Variants in CHD6 observed in about 807,000 individuals in gnomAD.
CHD6 encodes the protein ATP-dependent chromatin remodeler CHD6.
CHD6 carries 50 observed loss-of-function variants against 276.9 expected under a neutral mutation model. That is an observed-to-expected ratio of 0.18 (90% confidence interval 0.14 to 0.23). The LOEUF is 0.23. CHD6 is among the 10% of genes least tolerant of loss of function. CHD6 has a pLI of 1.00. For missense variants in CHD6, 2,564 were observed against 3,365.8 expected (o/e 0.76, Z 5.89); for synonymous variants, 1,173 against 1,229.3 (o/e 0.95, Z 0.96).
At chr20:41,562,929 T>C (rs2045317350) in intron 1 of CHD6, among the ~76,000 whole-genome samples, 1 of 152,194 alleles carries the variant, frequency 6.6e-6, no homozygotes, top group African/African-American at 2.4e-5. Flanking sequence ...ACTTAAAATA[T>C]CTGCCAAATA....
chr20:41,431,027 G>T (rs2047521787), intron 27 of CHD6, among the ~76,000 whole-genome samples: 1 of 151,960 alleles, frequency 6.6e-6, no homozygotes, highest in African/African-American at 2.4e-5. Flanking sequence ...TAGAGACAGG[G>T]TTTCACCATG....
At chr20:41,534,870 T>C (rs1409039271) in intron 2 of CHD6, among the ~76,000 whole-genome samples, 1 of 152,128 alleles carries the variant, frequency 6.6e-6, no homozygotes, top group Non-Finnish European at 1.5e-5. Context: ...AAAAACTGTT[T>C]TAATGGGATA....
intron 26 of CHD6, among the ~76,000 whole-genome samples, chr20:41,438,952 G>C (rs539411580): frequency 2.0e-5 from 3 of 152,346 alleles, no homozygotes; most frequent in East Asian, 3.9e-4. Flanking sequence ...TGAGCAAATA[G>C]TTAGGGGCTC....
At chr20:41,454,884 T>C (rs1410586666) in intron 19 of CHD6, 148 bp from the exon 20 acceptor site, 2 of 485,970 alleles carry the variant, frequency 4.1e-6, no homozygotes, top group Non-Finnish European at 7.3e-6. Context: ...GAATTGAAAA[T>C]CTCAAGGCTA....
intron 1 of CHD6, among the ~76,000 whole-genome samples, chr20:41,577,300 A>G (rs2045484871): frequency 6.6e-6 from 1 of 152,176 alleles, no homozygotes. Flanking sequence ...AATAGCCTGA[A>G]AATATATAGC....
Position 41,442,890 on chromosome 20 carries a change from A to G in CHD6, c.3878-2761T>C, listed in dbSNP as rs147850661. Among the ~76,000 whole-genome samples the G allele has an allele frequency of 2.7e-3, 417 of 152,346 alleles. 2 individuals carry two copies. The highest frequency in any genetic ancestry group is 0.024 in the Middle Eastern group (7 of 294). On this transcript the variant is annotated intron_variant, in intron 25 of 36. Coordinates refer to ENST00000373233, the MANE Select transcript of CHD6 (RefSeq NM_032221.5). ...TCCAACCTCATCTAAGTTGACTCCA[A>G]TGTAACCATCCAACTAAACTGATCT...
chr20:41,497,461 C>T lies in CHD6; in HGVS notation c.1015G>A (p.Glu339Lys). The T allele has an allele frequency of 1.2e-6, 2 of 1,613,908 alleles. No homozygotes were observed. Among genetic ancestry groups the T allele is most frequent in the Non-Finnish European group, 1.7e-6 (2 of 1,179,854 alleles). The change falls in exon 8 of 37, where the codon GAA becomes AAA. Residue 339 changes from glutamate to lysine, a missense_variant. Glu to Lys is a moderately conservative substitution (Grantham distance 56). Transcript: ENST00000373233. ...HCKWATMEEL[E>K]KDPRIAQKIK... is the part of the protein sequence containing the mutation. Reference sequence around the variant, plus strand: ...TTCTGTGCGATGCGAGGATCCTTTTCGAGCTCTTCCATTGTGGCCCATTTA... The same window carrying T: ...TTCTGTGCGATGCGAGGATCCTTTTTGAGCTCTTCCATTGTGGCCCATTTA...
chr20:41,528,453 T>C (rs1318133946), intron 3 of CHD6, among the ~76,000 whole-genome samples: 1 of 152,174 alleles, frequency 6.6e-6, no homozygotes, highest in African/African-American at 2.4e-5. Flanking sequence ...TATAAACATA[T>C]GAGTTATACC....
At chr20:41,431,489 C>T (rs1223163508) in intron 27 of CHD6, among the ~76,000 whole-genome samples, 1 of 152,112 alleles carries the variant, frequency 6.6e-6, no homozygotes, top group Admixed American at 6.5e-5. Context: ...CTTCTGGGAT[C>T]CAGAATCCAT....
Position 41,585,895 on chromosome 20 carries a change from C to T in CHD6, c.-24+32445G>A, listed in dbSNP as rs150464389. On this transcript the variant is annotated intron_variant, in intron 1 of 36. Coordinates refer to ENST00000373233, the MANE Select transcript of CHD6 (RefSeq NM_032221.5). ...ACAGGACTAGCTGGATTTCCTAGGC[C>T]GACTAAGAATTCCTAAGCCTAGCTG... Among the ~76,000 whole-genome samples the T allele has an allele frequency of 1.8e-3, 269 of 152,210 alleles. 2 individuals carry two copies. Among genetic ancestry groups the T allele is most frequent in the Middle Eastern group, 6.8e-3 (2 of 294 alleles).
intron 27 of CHD6, among the ~76,000 whole-genome samples, chr20:41,432,042 C>A (rs2047557803): frequency 6.6e-6 from 1 of 151,594 alleles, no homozygotes; most frequent in Non-Finnish European, 1.5e-5. Flanking sequence ...TGCCTGTAGT[C>A]CCAGCTACTT....
intron 2 of CHD6, among the ~76,000 whole-genome samples, chr20:41,548,706 C>A (rs1454794852): frequency 6.6e-6 from 1 of 151,906 alleles, no homozygotes; most frequent in Non-Finnish European, 1.5e-5. Context: ...AGTGAACAGG[C>A]AACCTACAAA....
At chr20:41,513,548 T>C (rs1353838653) in intron 4 of CHD6, among the ~76,000 whole-genome samples, 1 of 152,206 alleles carries the variant, frequency 6.6e-6, no homozygotes, top group Non-Finnish European at 1.5e-5. Context: ...ATCTTAAGTG[T>C]GACAAAACAA....
At chr20:41,425,420 T>C in intron 28 of CHD6, 26 bp from the exon 29 acceptor site, 1 of 1,593,994 alleles carries the variant, frequency 6.3e-7, no homozygotes, top group Non-Finnish European at 8.6e-7. Context: ...AGGATATTAG[T>C]ATTTACAAAC....
At chr20:41,525,445 A>G (rs1009757510) in intron 3 of CHD6, among the ~76,000 whole-genome samples, 14 of 152,102 alleles carry the variant, frequency 9.2e-5, no homozygotes, top group Admixed American at 1.3e-4. Context: ...AAACACCTCT[A>G]TGTTTGCTGC....
intron 5 of CHD6, among the ~76,000 whole-genome samples, chr20:41,509,495 C>A (rs558538871): frequency 1.3e-5 from 2 of 152,078 alleles, no homozygotes; most frequent in Non-Finnish European, 2.9e-5. Context: ...CTCGGAGGAG[C>A]AAGGAACTTT....
At chr20:41,540,455 A>G (rs1384951081) in intron 2 of CHD6, among the ~76,000 whole-genome samples, 1 of 152,224 alleles carries the variant, frequency 6.6e-6, no homozygotes, top group Non-Finnish European at 1.5e-5. Context: ...ATGTAATAGA[A>G]AAATTTTACA....
At chr20:41,593,427 C>G (rs1475824929) in intron 1 of CHD6, among the ~76,000 whole-genome samples, 1 of 152,172 alleles carries the variant, frequency 6.6e-6, no homozygotes, top group East Asian at 1.9e-4. Flanking sequence ...ACCCAAGCCA[C>G]TAAGAACTCA....
chr20:41,552,314 C>G (rs1156814839), intron 1 of CHD6, among the ~76,000 whole-genome samples: 1 of 152,174 alleles, frequency 6.6e-6, no homozygotes, highest in Non-Finnish European at 1.5e-5. Flanking sequence ...ACTCAGAAAA[C>G]CAAATTACCC....
Sources: gnomAD v4.1 joint callset for allele counts (sites outside exome capture counted in the v4.1 genomes callset) on GRCh38, gnomAD v4.1.1 for gene constraint, MANE v1.5 for transcripts, NCBI Gene and HGNC (gene_info 2026-07-23, HGNC 2026-07-21) for gene names.